The following RBMS1 variants were observed in gnomAD, a reference collection of about 807,000 sequenced individuals.
RBMS1 encodes RNA binding motif single stranded interacting protein 1.
Under a neutral mutation model 62.3 loss-of-function variants are expected in RBMS1, and 17 were observed. That is an observed-to-expected ratio of 0.27 (90% CI 0.19 to 0.41). The LOEUF (loss-of-function observed/expected upper bound fraction) is 0.41. Among genes scored for constraint, RBMS1 ranks in the 10% least tolerant of loss-of-function variants. The probability of loss-of-function intolerance (pLI) is 1.00; values close to 1 mark genes in which losing one functional copy is unlikely to be tolerated. For synonymous variants in RBMS1, 172 were observed against 170.0 expected (o/e 1.01, Z -0.09); for missense variants, 334 against 504.5 (o/e 0.66, Z 3.24).
intron 1 of RBMS1, among the ~76,000 whole-genome samples, chr2:160,447,422 T>C (rs972619858): frequency 3.9e-5 from 6 of 152,234 alleles, no homozygotes; most frequent in Non-Finnish European, 4.4e-5. Flanking sequence ...GCTAAATTCA[T>C]AATTCTATTT....
intron 1 of RBMS1, among the ~76,000 whole-genome samples, chr2:160,405,974 T>TA (rs1695683396): frequency 6.6e-6 from 1 of 152,224 alleles, no homozygotes; most frequent in Admixed American, 6.5e-5. Flanking sequence ...GAAGTTGATG[T>TA]AAGTGTACTG....
At chr2:160,485,074 G>A (rs1344429121) in intron 1 of RBMS1, among the ~76,000 whole-genome samples, 1 of 152,154 alleles carries the variant, frequency 6.6e-6, no homozygotes, top group East Asian at 1.9e-4. Flanking sequence ...CTCAGCATGA[G>A]AAGCAGTACT....
intron 2 of RBMS1, among the ~76,000 whole-genome samples, chr2:160,333,519 A>T (rs1403234960): frequency 6.6e-6 from 1 of 152,150 alleles, no homozygotes; most frequent in Non-Finnish European, 1.5e-5. Flanking sequence ...CTTAACACCC[A>T]AGCCTACACT....
intron 2 of RBMS1, among the ~76,000 whole-genome samples, chr2:160,347,747 T>C (rs1014313380): frequency 6.6e-6 from 1 of 152,120 alleles, no homozygotes; most frequent in Non-Finnish European, 1.5e-5. Flanking sequence ...TCATATATAT[T>C]ATGATTCATA....
intron 1 of RBMS1, among the ~76,000 whole-genome samples, chr2:160,461,113 G>A (rs1341011144): frequency 6.6e-6 from 1 of 152,056 alleles, no homozygotes; most frequent in Non-Finnish European, 1.5e-5. Flanking sequence ...ATCCAGGTAT[G>A]GTGTTGCATG....
chr2:160,352,980 C>A (rs1692600010), intron 2 of RBMS1, among the ~76,000 whole-genome samples: 1 of 152,016 alleles, frequency 6.6e-6, no homozygotes, highest in African/African-American at 2.4e-5. Context: ...AAGATTAATT[C>A]AAGGGGATAT....
At chr2:160,303,752 C>T (rs374276051) in intron 4 of RBMS1, among the ~76,000 whole-genome samples, 9 of 152,164 alleles carry the variant, frequency 5.9e-5, no homozygotes, top group African/African-American at 2.2e-4. Flanking sequence ...CATGGAACCA[C>T]AACTCTCAGT....
At chr2:160,391,748 T>G (rs556784000) in intron 1 of RBMS1, among the ~76,000 whole-genome samples, 3 of 152,192 alleles carry the variant, frequency 2.0e-5, no homozygotes, top group Admixed American at 2.0e-4. Flanking sequence ...GAAGCCAAGA[T>G]GGGCAGACCA....
At chr2:160,472,741 G>A (rs893691341) in intron 1 of RBMS1, among the ~76,000 whole-genome samples, 1 of 152,128 alleles carries the variant, frequency 6.6e-6, no homozygotes, top group East Asian at 1.9e-4. Flanking sequence ...AACAATATAA[G>A]TATTGCATTC....
At chr2:160,417,136 C>T (rs912292937) in intron 1 of RBMS1, among the ~76,000 whole-genome samples, 69 of 152,176 alleles carry the variant, frequency 4.5e-4, no homozygotes, top group African/African-American at 1.4e-3. Flanking sequence ...TTTTCTTGCG[C>T]GTGCACACAC....
At chr2:160,362,071 C>T (rs998587313) in intron 2 of RBMS1, among the ~76,000 whole-genome samples, 6 of 152,178 alleles carry the variant, frequency 3.9e-5, no homozygotes, top group African/African-American at 1.4e-4. Context: ...AATGCTGTTT[C>T]ATAGCATTGA....
chr2:160,492,926 A>T, intron 1 of RBMS1: 1 of 217,758 alleles, frequency 4.6e-6, no homozygotes, highest in South Asian at 1.1e-4. Context: ...AAGCCGGGCC[A>T]CCAGCGGATC....
intron 1 of RBMS1, among the ~76,000 whole-genome samples, chr2:160,482,153 T>C (rs1212185796): frequency 6.6e-6 from 1 of 151,986 alleles, no homozygotes; most frequent in African/African-American, 2.4e-5. Context: ...ACTGCACACA[T>C]AACAACATCA....
chr2:160,410,181 C>T (rs1166544175), intron 1 of RBMS1, among the ~76,000 whole-genome samples: 1 of 135,188 alleles, frequency 7.4e-6, no homozygotes, highest in African/African-American at 2.7e-5. Flanking sequence ...GAGATCACGC[C>T]GCTGCACCCC....
intron 1 of RBMS1, among the ~76,000 whole-genome samples, chr2:160,395,269 G>A (rs779468076): frequency 4.6e-5 from 7 of 152,128 alleles, no homozygotes; most frequent in Non-Finnish European, 8.8e-5. Context: ...AATAGAATCC[G>A]TGTATCTTAG....
chr2:160,312,369 A>C (rs78065148), intron 4 of RBMS1, among the ~76,000 whole-genome samples: 1,858 of 150,972 alleles, frequency 0.012, 39 homozygotes, highest in African/African-American at 0.043. Flanking sequence ...CATAATATGA[A>C]AGTTTTCAAG....
intron 2 of RBMS1, among the ~76,000 whole-genome samples, chr2:160,334,414 C>T (rs914171801): frequency 3.3e-5 from 5 of 152,144 alleles, no homozygotes; most frequent in South Asian, 4.1e-4. Context: ...TCCAAGCCTG[C>T]GGCAACCTGG....
intron 1 of RBMS1, among the ~76,000 whole-genome samples, chr2:160,390,891 C>CA (rs71003493): frequency 0.57 from 83,994 of 147,128 alleles, 23,992 homozygotes; most frequent in Admixed American, 0.65. Context: ...AAACAACCAC[C>CA]AAAAAAAAAA....
intron 1 of RBMS1, among the ~76,000 whole-genome samples, chr2:160,382,144 T>C (rs1256024863): frequency 2.0e-5 from 3 of 152,176 alleles, no homozygotes; most frequent in African/African-American, 7.2e-5. Context: ...ACCATGAAGC[T>C]GCTGCAGTGA....
Sources: gnomAD v4.1 joint callset for allele counts (sites outside exome capture counted in the v4.1 genomes callset) on GRCh38, gnomAD v4.1.1 for gene constraint, MANE v1.5 for transcripts, NCBI Gene and HGNC (gene_info 2026-07-23, HGNC 2026-07-21) for gene names.